Variants in FBN1 observed in about 807,000 individuals in gnomAD.
FBN1 encodes fibrillin 1.
In FBN1, 29 loss-of-function variants were observed where a neutral mutation model predicts 365.1. The ratio of observed to expected loss-of-function variants is 0.08; its 90% CI spans 0.06 to 0.11. FBN1 has a LOEUF of 0.11. Ranked by LOEUF, FBN1 falls within the 10% of genes least tolerant of loss-of-function variation. The pLI is 1.00. For missense variants in FBN1, 2,476 were observed against 3,703.2 expected (o/e 0.67, Z 8.60); for synonymous variants, 1,210 against 1,270.5 (o/e 0.95, Z 1.01).
intron 13 of FBN1, 57 bp downstream of exon 13, chr15:48,513,492 G>A: frequency 1.2e-6 from 2 of 1,613,314 alleles, no homozygotes. Context: ...CTCCTTTGAA[G>A]CCAACCCCCA....
Position 48,470,688 on chromosome 15 carries a change from G to T in FBN1, c.4405C>A (p.Arg1469Ser), listed in dbSNP as rs587782946. ...TCGTAGCCTATCTCACACTCACAGC[G>T]GAACAGGCCAGGGAGGTTGTGGCAA... ...GTCHNLPGLF[R>S]CECEIGYELD... The change falls in exon 36 of 66, where the codon CGC becomes AGC. Residue 1469 changes from arginine (R) to serine (S), a missense_variant. Around this residue, in one of 5 missense-constraint regions of FBN1, gnomAD observed 1,780 missense variants for 2,840.8 expected, o/e 0.63. Transcript: ENST00000316623. 1.2e-6 allele frequency: 2 copies of T among 1,613,878 alleles called. No individual in the cohort carries two copies. Among genetic ancestry groups the T allele is most frequent in the African/African-American group, 1.3e-5 (1 of 74,850 alleles).
chr15:48,570,735 C>T (rs2044300570), intron 6 of FBN1, among the ~76,000 whole-genome samples: 1 of 152,178 alleles, frequency 6.6e-6, no homozygotes, highest in Admixed American at 6.5e-5. Flanking sequence ...TGTTATTGCT[C>T]TTATTTATTC....
chr15:48,630,394 G>C (rs1377356206), intron 2 of FBN1, among the ~76,000 whole-genome samples: 1 of 152,150 alleles, frequency 6.6e-6, no homozygotes, highest in Non-Finnish European at 1.5e-5. Context: ...CAATGTGTGA[G>C]AATGTGTGTC....
intron 8 of FBN1, chr15:48,529,618 C>CTAA (rs1385686889): frequency 1.3e-5 from 2 of 152,148 alleles, no homozygotes; most frequent in Non-Finnish European, 2.9e-5. Flanking sequence ...TGCCTAGATA[C>CTAA]TAATACAATG....
chr15:48,414,447 T>C (rs574969426), intron 64 of FBN1, among the ~76,000 whole-genome samples: 105 of 152,312 alleles, frequency 6.9e-4, no homozygotes, highest in African/African-American at 2.4e-3. Flanking sequence ...ATATATTTAA[T>C]GTCTATGTGT....
intron 30 of FBN1, 118 bp downstream of exon 30, chr15:48,485,256 A>G (rs2043495319): frequency 5.3e-6 from 7 of 1,327,048 alleles, no homozygotes; most frequent in Admixed American, 1.8e-5. Flanking sequence ...GGATACAGTT[A>G]AAATATATGA....
At chr15:48,584,846 A>C (rs1414926756) in intron 6 of FBN1, among the ~76,000 whole-genome samples, 1 of 152,218 alleles carries the variant, frequency 6.6e-6, no homozygotes, top group Non-Finnish European at 1.5e-5. Context: ...TATATCATTA[A>C]GATACTGTGG....
At chr15:48,482,014 T>C (rs1014705671) in intron 31 of FBN1, among the ~76,000 whole-genome samples, 7 of 152,198 alleles carry the variant, frequency 4.6e-5, no homozygotes, top group Non-Finnish European at 7.3e-5. Flanking sequence ...GTTAATCAAA[T>C]AAACAGATGG....
At chr15:48,500,371 G>A (rs1283257304) in intron 17 of FBN1, among the ~76,000 whole-genome samples, 1 of 152,054 alleles carries the variant, frequency 6.6e-6, no homozygotes, top group Non-Finnish European at 1.5e-5. Flanking sequence ...ACCATTTTTT[G>A]TAGTGAGTTC....
chr15:48,444,608 T>C lies in FBN1; in HGVS notation c.5970A>G (p.Gln1990=), dbSNP rs2141248092. The part of the protein sequence containing the change: ...EPRKCAPGTC[Q]NLDGSYRCIC... The stretch of plus-strand genomic sequence containing the variant: ...TGCATCTGTAGGACCCATCCAAGTT[T>C]TGACAGGTACCTGGTGCACATTTTC... The change falls in exon 49 of 66, where the codon CAA becomes CAG. Residue 1990 remains glutamine, a synonymous_variant. Transcript: ENST00000316623. The C allele has an allele frequency of 6.2e-6, 10 of 1,613,664 alleles. No homozygotes were observed. Among genetic ancestry groups the C allele is most frequent in the Non-Finnish European group, 8.5e-6 (10 of 1,179,718 alleles).
intron 7 of FBN1, among the ~76,000 whole-genome samples, chr15:48,537,377 C>G (rs527703208): frequency 6.6e-6 from 1 of 152,310 alleles, no homozygotes; most frequent in East Asian, 1.9e-4. Flanking sequence ...GAGGTACATA[C>G]AAACACCTCT....
Position 48,554,937 on chromosome 15 carries a change from A to C in FBN1, c.539-17129T>G, listed in dbSNP as rs568788253. Among the ~76,000 whole-genome samples, 3 of 152,342 alleles carry C rather than the reference A, an allele frequency of 2.0e-5. No homozygotes were observed. The East Asian group carries it at 5.8e-4, about 29-fold the overall frequency. Reference sequence around the variant, plus strand: ...TTTCTGTCTGATTGTAACTCTTTCTATTCTATGACAATGATATTTTCAATA... The same window carrying C: ...TTTCTGTCTGATTGTAACTCTTTCTCTTCTATGACAATGATATTTTCAATA... On this transcript the variant is annotated intron_variant, in intron 6 of 65. Transcript: ENST00000316623.
intron 44 of FBN1, among the ~76,000 whole-genome samples, chr15:48,453,868 G>C (rs973215685): frequency 6.6e-6 from 1 of 151,892 alleles, no homozygotes; most frequent in East Asian, 1.9e-4. Context: ...AAGACCGAAA[G>C]TCCATTATCT....
intron 51 of FBN1, 43 bp from the exon 52 acceptor site, chr15:48,437,430 C>T (rs1566896283): frequency 6.7e-7 from 1 of 1,482,396 alleles, no homozygotes; most frequent in East Asian, 2.3e-5. Flanking sequence ...AATAGCAATT[C>T]ATTACAAGCT....
Position 48,409,936 on chromosome 15 carries a change from T to G in FBN1, c.*1054A>C, listed in dbSNP as rs1051237557. ...GGATCGACTCATATGTTAAATTTTC[T>G]TCTAGTGGTTATACATTTGGTACTT... On this transcript the variant is annotated 3_prime_UTR_variant, in exon 66 of 66. Transcript: ENST00000316623. 1 of 152,420 alleles carries G rather than the reference T, an allele frequency of 6.6e-6. No homozygotes were observed. The highest frequency in any genetic ancestry group is 1.5e-5 in the Non-Finnish European group (1 of 68,046). The allele number at this position is 152,420 out of a possible 1,614,324, so 9.4% of individuals were successfully genotyped here. A position where few individuals can be genotyped will look rare whatever the true frequency, so the allele number is the denominator to read the frequency against.
At chr15:48,415,229 G>A (rs562383159) in intron 64 of FBN1, among the ~76,000 whole-genome samples, 16 of 152,320 alleles carry the variant, frequency 1.1e-4, no homozygotes, top group African/African-American at 3.8e-4. Flanking sequence ...GGTTGGCAGA[G>A]AGGTGTATTT....
intron 6 of FBN1, among the ~76,000 whole-genome samples, chr15:48,578,167 G>A (rs567585925): frequency 6.6e-6 from 1 of 152,130 alleles, no homozygotes; most frequent in African/African-American, 2.4e-5. Context: ...ACCTTCTAAG[G>A]TTGGCAAGTA....
chr15:48,427,886 G>T, intron 57 of FBN1, 113 bp from the exon 58 acceptor site: 1 of 917,456 alleles, frequency 1.1e-6, no homozygotes, highest in Non-Finnish European at 1.7e-6. Flanking sequence ...CTTTACCCTG[G>T]GTGAGAAGAA....
rs1165109120 is a variant in FBN1 at position 48,437,387 on chromosome 15, T to A, written c.6314A>T (p.Glu2105Val). The A allele has an allele frequency of 1.2e-6, 2 of 1,612,156 alleles. No individual in the cohort carries two copies. The highest frequency in any genetic ancestry group is 2.2e-5 in the East Asian group (1 of 44,848). The change falls in exon 52 of 66, where the codon GAG (glutamate) becomes GTG (valine). Residue 2105 changes from glutamate to valine, a missense_variant and splice_region_variant. Coordinates refer to ENST00000316623, the MANE Select transcript of FBN1 (RefSeq NM_000138.5). ...ATAAGGACATATCTGGCGGAAGGCC[T>A]CTGTGGTGGAGACACTCATTAATAG... Reference protein sequence around the residue: ...PCELCPTEPDEAFRQICPYGS... With the variant: ...PCELCPTEPDVAFRQICPYGS...
Sources: allele counts gnomAD v4.1 joint callset (sites outside exome capture counted in the v4.1 genomes callset), GRCh38; gene constraint gnomAD v4.1.1; regional missense constraint gnomAD v4.1.1; transcripts MANE v1.5; gene names NCBI Gene and HGNC (gene_info 2026-07-23, HGNC 2026-07-21).